PPP2R2C: variants seen among roughly 807,000 people sequenced by gnomAD.
The protein encoded by PPP2R2C is protein phosphatase 2 regulatory subunit Bgamma, also known as protein phosphatase 2, regulatory subunit B, gamma.
PPP2R2C carries 10 observed loss-of-function variants against 45.3 expected under a neutral mutation model. The ratio of observed to expected loss-of-function variants is 0.22; its 90% CI spans 0.14 to 0.37. The LOEUF is 0.37. Among genes scored for constraint, PPP2R2C ranks in the 10% least tolerant of loss-of-function variants. The pLI is 1.00. For synonymous variants in PPP2R2C, 257 were observed against 245.4 expected (o/e 1.05, Z -0.44); for missense variants, 308 against 619.7 (o/e 0.50, Z 5.34).
chr4:6,340,033 T>C (rs866899986), intron 6 of PPP2R2C, among the ~76,000 whole-genome samples: 1 of 152,176 alleles, frequency 6.6e-6, no homozygotes, highest in Non-Finnish European at 1.5e-5. Context: ...TCCCTATCCC[T>C]GAGGCTGTAC....
intron 1 of PPP2R2C, among the ~76,000 whole-genome samples, chr4:6,404,241 T>G (rs1015451753): frequency 5.3e-5 from 8 of 152,004 alleles, no homozygotes; most frequent in Admixed American, 2.0e-4. Context: ...CATACACAAG[T>G]TCCCCAAAGC....
intron 2 of PPP2R2C, among the ~76,000 whole-genome samples, chr4:6,504,345 A>G (rs1018675870): frequency 6.6e-6 from 1 of 152,218 alleles, no homozygotes; most frequent in East Asian, 1.9e-4. Context: ...TAACAAAAAA[A>G]CAATACTCTT....
At chr4:6,482,465 T>C (rs1190766124) in intron 2 of PPP2R2C, among the ~76,000 whole-genome samples, 2 of 152,192 alleles carry the variant, frequency 1.3e-5, no homozygotes, top group African/African-American at 4.8e-5. Context: ...GTACATCTTT[T>C]GTTAGATTTT....
chr4:6,394,168 T>C (rs1012432462), intron 1 of PPP2R2C, among the ~76,000 whole-genome samples: 1 of 152,220 alleles, frequency 6.6e-6, no homozygotes, highest in African/African-American at 2.4e-5. Context: ...TGACAGGTTT[T>C]CCTGTGGTGT....
At chr4:6,507,056 T>C (rs761640111) in intron 2 of PPP2R2C, among the ~76,000 whole-genome samples, 12 of 152,120 alleles carry the variant, frequency 7.9e-5, no homozygotes, top group Non-Finnish European at 1.5e-4. Flanking sequence ...CTCCTAGGTG[T>C]CGGGCCTGCA....
At chr4:6,527,446 C>T (rs1724250178) in intron 2 of PPP2R2C, among the ~76,000 whole-genome samples, 1 of 150,100 alleles carries the variant, frequency 6.7e-6, no homozygotes, top group African/African-American at 2.5e-5. Context: ...GGTGAGTCAC[C>T]TCCCTGCCAT....
intron 5 of PPP2R2C, chr4:6,349,114 T>C (rs953067247): frequency 6.7e-5 from 66 of 985,304 alleles, no homozygotes; most frequent in Non-Finnish European, 7.8e-5. Context: ...CGAGCTTCTC[T>C]CCGGCTTTCC....
intron 1 of PPP2R2C, among the ~76,000 whole-genome samples, chr4:6,436,696 A>C (rs1219090957): frequency 6.6e-6 from 1 of 152,218 alleles, no homozygotes; most frequent in Non-Finnish European, 1.5e-5. Flanking sequence ...CCAGAGAATA[A>C]ATACAGGGCC....
At chr4:6,385,714 C>T (rs1035907080) in intron 1 of PPP2R2C, among the ~76,000 whole-genome samples, 3 of 152,250 alleles carry the variant, frequency 2.0e-5, no homozygotes, top group African/African-American at 7.2e-5. Flanking sequence ...GGATTACAGG[C>T]ACCTGCCACC....
chr4:6,504,535 C>T (rs1368382298), intron 2 of PPP2R2C, among the ~76,000 whole-genome samples: 5 of 151,844 alleles, frequency 3.3e-5, no homozygotes, highest in African/African-American at 1.2e-4. Flanking sequence ...TTGTACTATG[C>T]TTAAGAATGT....
In PPP2R2C at chr4:6,419,495, GC is replaced by G. The variant is rs138989028; in HGVS notation, c.71-38402del. Among the ~76,000 whole-genome samples, 847 of 152,168 alleles carry G rather than the reference GC, an allele frequency of 5.6e-3. 18 individuals are homozygous for G. In the East Asian group the frequency reaches 0.07, roughly 13 times the overall value. ...AAAATATGCAACAGAGATTTACACA[GC>G]CTGCAAAGTCTAAAATATCTACTAT... On this transcript the variant is annotated intron_variant, in intron 1 of 8. Coordinates refer to ENST00000382599, the MANE Select transcript of PPP2R2C (RefSeq NM_020416.4).
At chr4:6,466,926 C>T (rs1019708591) in intron 1 of PPP2R2C, among the ~76,000 whole-genome samples, 9 of 152,168 alleles carry the variant, frequency 5.9e-5, no homozygotes, top group Non-Finnish European at 1.0e-4. Flanking sequence ...AGTTGGCCTA[C>T]ACTACAATTT....
At chr4:6,562,233 C>A (rs1725599988) in intron 1 of PPP2R2C, among the ~76,000 whole-genome samples, 1 of 152,166 alleles carries the variant, frequency 6.6e-6, no homozygotes, top group African/African-American at 2.4e-5. Context: ...GACAGAGGAG[C>A]TCACCTGTGG....
intron 1 of PPP2R2C, among the ~76,000 whole-genome samples, chr4:6,438,852 GA>G: frequency 6.6e-6 from 1 of 152,324 alleles, no homozygotes; most frequent in South Asian, 2.1e-4. Flanking sequence ...AACATTTAAA[GA>G]AACCTATTAG....
chr4:6,553,642 CTGTGCCA>C (rs1725261041), intron 1 of PPP2R2C, among the ~76,000 whole-genome samples: 2 of 152,228 alleles, frequency 1.3e-5, no homozygotes, highest in Non-Finnish European at 2.9e-5. Context: ...GGCACCTTGC[CTGTGCCA>C]GAGCACCTGG....
chr4:6,399,317 G>C lies in PPP2R2C; in HGVS notation c.71-18223C>G, dbSNP rs576975104. The stretch of plus-strand genomic sequence containing the variant: ...AGAAAGAAAAGAGGGGAGAGGAAGT[G>C]CCAGCAGCCACCTGCACTCATCTGA... On this transcript the variant is annotated intron_variant, in intron 1 of 8. Transcript: ENST00000382599. 5.3e-5 allele frequency among the ~76,000 whole-genome samples: 8 copies of C among 152,308 alleles called. No individual in the cohort carries two copies. The East Asian group carries it at 1.5e-3, about 29-fold the overall frequency.
intron 1 of PPP2R2C, among the ~76,000 whole-genome samples, chr4:6,467,121 C>T (rs1229694824): frequency 3.9e-5 from 6 of 152,076 alleles, no homozygotes; most frequent in Non-Finnish European, 8.8e-5. Context: ...GCTGTGAAGC[C>T]CAAGGGAAGC....
chr4:6,446,583 T>G (rs1196714028), intron 1 of PPP2R2C, among the ~76,000 whole-genome samples: 1 of 152,160 alleles, frequency 6.6e-6, no homozygotes, highest in African/African-American at 2.4e-5. Context: ...CTGAAAAGCA[T>G]GAGGCCCAGG....
At chr4:6,537,736 G>A (rs1724679023) in intron 1 of PPP2R2C, among the ~76,000 whole-genome samples, 1 of 152,030 alleles carries the variant, frequency 6.6e-6, no homozygotes, top group South Asian at 2.1e-4. Context: ...ATTTTTAGAA[G>A]AGACGGGGTT....
Sources: gnomAD v4.1 joint callset for allele counts (sites outside exome capture counted in the v4.1 genomes callset) on GRCh38, gnomAD v4.1.1 for gene constraint, MANE v1.5 for transcripts, NCBI Gene and HGNC (gene_info 2026-07-23, HGNC 2026-07-21) for gene names.